The following FHOD3 variants were observed in gnomAD, a reference collection of about 807,000 sequenced individuals.
The protein encoded by FHOD3 is FH1/FH2 domain-containing protein 3.
Under a neutral mutation model 173.0 loss-of-function variants are expected in FHOD3, and 90 were observed. The observed-to-expected ratio is 0.52, with a 90% CI of 0.44 to 0.62. FHOD3 has a LOEUF of 0.62. Among genes scored for constraint, FHOD3 ranks in the 20% least tolerant of loss-of-function variants. FHOD3 has a pLI of 0.00. For missense variants in FHOD3, 1,945 were observed against 2,034.7 expected (o/e 0.96, Z 0.85); for synonymous variants, 828 against 823.0 (o/e 1.01, Z -0.10).
intron 1 of FHOD3, among the ~76,000 whole-genome samples, chr18:36,319,314 A>C (rs1281698735): frequency 6.6e-6 from 1 of 152,180 alleles, no homozygotes; most frequent in Non-Finnish European, 1.5e-5. Context: ...AAAATAAATA[A>C]ATAAAGGGCA....
chr18:36,683,170 C>G (rs1446415576), intron 15 of FHOD3, among the ~76,000 whole-genome samples: 3 of 152,138 alleles, frequency 2.0e-5, no homozygotes, highest in African/African-American at 4.8e-5. Context: ...GAGGGTAGTT[C>G]TGGAAGTTGT....
At chr18:36,406,104 T>C (rs916646981) in intron 3 of FHOD3, among the ~76,000 whole-genome samples, 1 of 150,634 alleles carries the variant, frequency 6.6e-6, no homozygotes, top group Non-Finnish European at 1.5e-5. Context: ...TGTTTTTTTG[T>C]TTTTGTTTTT....
chr18:36,516,100 C>T (rs1474097073), intron 5 of FHOD3, among the ~76,000 whole-genome samples: 2 of 152,154 alleles, frequency 1.3e-5, no homozygotes, highest in Non-Finnish European at 2.9e-5. Context: ...TGACTTTGAA[C>T]AATTTCTCAC....
chr18:36,407,385 G>C (rs535955667), intron 3 of FHOD3, among the ~76,000 whole-genome samples: 3 of 152,084 alleles, frequency 2.0e-5, no homozygotes, highest in Non-Finnish European at 4.4e-5. Flanking sequence ...GCTGTCTGCC[G>C]GTGCTTGTGA....
rs949576871 is a variant in FHOD3, at chr18:36,414,704, A to C, written c.337+41960A>C. On this transcript the variant is annotated intron_variant, in intron 3 of 28. Transcript: ENST00000590592. ...GGCGGCAGTAGAAGCCACCATCCCCACTGTTTATTGACCACATTCTGTGGG... is the reference window on the plus strand; with the variant it reads ...GGCGGCAGTAGAAGCCACCATCCCCCCTGTTTATTGACCACATTCTGTGGG... Among the ~76,000 whole-genome samples, 6 of 152,028 alleles carry C rather than the reference A, an allele frequency of 3.9e-5. No individual in the cohort carries two copies. The East Asian group carries it at 1.2e-3, about 29-fold the overall frequency.
chr18:36,425,410 A>T (rs2050188346), intron 3 of FHOD3, among the ~76,000 whole-genome samples: 1 of 152,210 alleles, frequency 6.6e-6, no homozygotes, highest in South Asian at 2.1e-4. Context: ...AAGGGGAGGG[A>T]TGGAAATGTG....
At chr18:36,775,221 A>G (rs1309957821) in intron 28 of FHOD3, among the ~76,000 whole-genome samples, 1 of 152,192 alleles carries the variant, frequency 6.6e-6, no homozygotes, top group Non-Finnish European at 1.5e-5. Context: ...TTAAAAAACC[A>G]AAAAACGATT....
chr18:36,397,767 G>T (rs1279571615), intron 3 of FHOD3, among the ~76,000 whole-genome samples: 1 of 152,130 alleles, frequency 6.6e-6, no homozygotes, highest in Non-Finnish European at 1.5e-5. Context: ...TGTAAAATTA[G>T]AAGACTAGGG....
At chr18:36,387,301 C>G (rs1452392567) in intron 3 of FHOD3, among the ~76,000 whole-genome samples, 1 of 152,160 alleles carries the variant, frequency 6.6e-6, no homozygotes, top group African/African-American at 2.4e-5. Flanking sequence ...CTCACACTTC[C>G]CTTGTGAGCT....
intron 14 of FHOD3, among the ~76,000 whole-genome samples, chr18:36,662,662 A>G (rs1159320598): frequency 1.3e-5 from 2 of 152,186 alleles, no homozygotes; most frequent in East Asian, 3.9e-4. Flanking sequence ...AGGGAGTAAT[A>G]ATGGATAATA....
At chr18:36,397,254 T>G (rs2048597147) in intron 3 of FHOD3, among the ~76,000 whole-genome samples, 1 of 152,248 alleles carries the variant, frequency 6.6e-6, no homozygotes, top group African/African-American at 2.4e-5. Context: ...TGGCTTCTCC[T>G]GTTCTCAGGT....
intron 2 of FHOD3, among the ~76,000 whole-genome samples, chr18:36,370,361 A>C (rs1476996880): frequency 1.3e-5 from 2 of 151,990 alleles, no homozygotes; most frequent in Non-Finnish European, 2.9e-5. Flanking sequence ...CTTAATTTCC[A>C]TTAGGGTTTA....
intron 10 of FHOD3, among the ~76,000 whole-genome samples, chr18:36,637,911 A>G (rs1477308503): frequency 1.3e-5 from 2 of 152,232 alleles, no homozygotes; most frequent in African/African-American, 4.8e-5. Context: ...ACCAGCAGGT[A>G]GAAGAAATGC....
chr18:36,408,675 C>A (rs1162740177), intron 3 of FHOD3, among the ~76,000 whole-genome samples: 1 of 152,100 alleles, frequency 6.6e-6, no homozygotes, highest in Non-Finnish European at 1.5e-5. Context: ...CAGTGATGGG[C>A]ACAAGCACAG....
chr18:36,432,407 C>T (rs1206904659), intron 3 of FHOD3, among the ~76,000 whole-genome samples: 1 of 152,148 alleles, frequency 6.6e-6, no homozygotes, highest in Admixed American at 6.5e-5. Flanking sequence ...ACTAAGATAT[C>T]AGAAACAAAA....
intron 27 of FHOD3, among the ~76,000 whole-genome samples, chr18:36,768,962 G>A (rs1481861161): frequency 6.6e-6 from 1 of 152,160 alleles, no homozygotes; most frequent in Non-Finnish European, 1.5e-5. Flanking sequence ...ACACACCTGG[G>A]TTGGAGAGTT....
In FHOD3 at chr18:36,649,299, T is replaced by C. The variant is rs1295009218; in HGVS notation, c.1197-17T>C. The stretch of plus-strand genomic sequence containing the variant: ...ATGTTGTCTGTGTGCATTTCTCTTT[T>C]CCTGGCTTTGTCTCAGGGAGGAGGA... On this transcript the variant is annotated splice_polypyrimidine_tract_variant and intron_variant, in intron 10 of 28. Transcript: ENST00000590592. The C allele has an allele frequency of 6.5e-7, 1 of 1,534,148 alleles. No homozygotes were observed. Among genetic ancestry groups the C allele is most frequent in the South Asian group, 1.2e-5 (1 of 83,988 alleles).
intron 17 of FHOD3, among the ~76,000 whole-genome samples, chr18:36,707,592 G>A (rs907940061): frequency 6.6e-6 from 1 of 152,216 alleles, no homozygotes; most frequent in Non-Finnish European, 1.5e-5. Flanking sequence ...GGCCCCGTGG[G>A]TCCTGAAGAA....
At chr18:36,470,395 G>A (rs141652789) in intron 3 of FHOD3, among the ~76,000 whole-genome samples, 93 of 152,316 alleles carry the variant, frequency 6.1e-4, no homozygotes, top group African/African-American at 1.9e-3. Context: ...GGATTTTACC[G>A]TTCACGTCTA....
Sources: allele counts gnomAD v4.1 joint callset (sites outside exome capture counted in the v4.1 genomes callset), GRCh38; gene constraint gnomAD v4.1.1; transcripts MANE v1.5; gene names NCBI Gene and HGNC (gene_info 2026-07-23, HGNC 2026-07-21).